Variants in LRP1B observed in about 807,000 individuals in gnomAD.
LRP1B encodes LDL receptor related protein 1B.
Under a neutral mutation model 556.6 loss-of-function variants are expected in LRP1B, and 217 were observed. The ratio of observed to expected loss-of-function variants is 0.39; its 90% CI spans 0.35 to 0.44. LRP1B has a LOEUF of 0.44. LRP1B is among the 20% of genes least tolerant of loss of function. The pLI, the probability that LRP1B is intolerant of heterozygous loss-of-function variation, is 1.00. For missense variants in LRP1B, 5,053 were observed against 5,620.8 expected (o/e 0.90, Z 3.23); for synonymous variants, 2,047 against 1,865.8 (o/e 1.10, Z -2.50).
chr2:141,768,187 T>C (rs1224761343), intron 2 of LRP1B, among the ~76,000 whole-genome samples: 4 of 152,188 alleles, frequency 2.6e-5, no homozygotes, highest in Non-Finnish European at 5.9e-5. Context: ...AGAATATTAA[T>C]ATTCTTTCCA....
chr2:140,355,176 AATAAT>A (rs1415878883), intron 75 of LRP1B, among the ~76,000 whole-genome samples: 1 of 151,856 alleles, frequency 6.6e-6, no homozygotes, highest in East Asian at 1.9e-4. Context: ...AGAAAACTTT[AATAAT>A]ATAATTTCTA....
At chr2:141,028,649 G>T (rs1391794056) in intron 11 of LRP1B, among the ~76,000 whole-genome samples, 2 of 151,952 alleles carry the variant, frequency 1.3e-5, no homozygotes, top group Non-Finnish European at 2.9e-5. Flanking sequence ...GATCTTAATT[G>T]TTTCTTATAT....
intron 46 of LRP1B, among the ~76,000 whole-genome samples, chr2:140,534,832 C>A (rs1014650903): frequency 2.6e-5 from 4 of 152,122 alleles, no homozygotes; most frequent in Non-Finnish European, 5.9e-5. Context: ...TTCATGCTCT[C>A]GACTACCATA....
intron 74 of LRP1B, among the ~76,000 whole-genome samples, 197 bp downstream of exon 74, chr2:140,357,782 C>T: frequency 6.6e-6 from 1 of 151,604 alleles, no homozygotes; most frequent in East Asian, 1.9e-4. Context: ...GTACTCATTA[C>T]AAAGCCAACC....
Position 140,867,777 on chromosome 2 carries a change from T to C in LRP1B, c.4392A>G (p.Arg1464=), listed in dbSNP as rs79054985. The change falls in exon 27 of 91, where the codon CGA becomes CGG. Residue 1464 remains arginine (R), a synonymous_variant. Coordinates refer to ENST00000389484, the MANE Select transcript of LRP1B (RefSeq NM_018557.3). ...AGGGATGGGAAAGGTATTCATGACC[T>C]CGGATGATTTCTATCATGTTTGTTC... ...YDGTNMIEII[R]GHEYLSHPFA... The C allele has an allele frequency of 6.2e-3, 9,920 of 1,606,592 alleles. 492 individuals are homozygous for C. The African/African-American group carries it at 0.11, about 18-fold the overall frequency.
rs74760009 is a variant in LRP1B, at chr2:141,072,400, C to T, written c.1014-10127G>A. The stretch of plus-strand genomic sequence containing the variant: ...TATCCCATAGATATTGAAATGTCTA[C>T]AGGATAATTAATCCAAAACTTTATT... On this transcript the variant is annotated intron_variant, in intron 7 of 90. Coordinates refer to ENST00000389484, the MANE Select transcript of LRP1B (RefSeq NM_018557.3). 2.0e-3 allele frequency among the ~76,000 whole-genome samples: 303 copies of T among 152,184 alleles called. 11 individuals carry two copies. In the East Asian group the frequency reaches 0.049, roughly 25 times the overall value.
intron 2 of LRP1B, among the ~76,000 whole-genome samples, chr2:141,519,549 C>T (rs1313015498): frequency 6.6e-6 from 1 of 151,820 alleles, no homozygotes; most frequent in Non-Finnish European, 1.5e-5. Flanking sequence ...TGACAGGCAA[C>T]TCTTCAGTGG....
chr2:140,979,514 A>T (rs1696701920), intron 18 of LRP1B, among the ~76,000 whole-genome samples: 1 of 152,270 alleles, frequency 6.6e-6, no homozygotes, highest in Non-Finnish European at 1.5e-5. Flanking sequence ...GTGTTACTGC[A>T]TATCATCCTA....
rs554300224 is a variant in LRP1B, at chr2:141,093,908, C to G, written c.1014-31635G>C. Among the ~76,000 whole-genome samples the G allele has an allele frequency of 8.6e-4, 130 of 151,958 alleles. 1 individual carries two copies. The highest frequency in any genetic ancestry group is 2.9e-3 in the African/African-American group (122 of 41,464). On this transcript the variant is annotated intron_variant, in intron 7 of 90. Transcript: ENST00000389484. ...TTTTTTGTATTTTTAGTAGAGACAGCGTTTCACCACATTAGCCAGGCTGGT... is the reference window on the plus strand; with the variant it reads ...TTTTTTGTATTTTTAGTAGAGACAGGGTTTCACCACATTAGCCAGGCTGGT...
chr2:141,081,648 T>C (rs887787998), intron 7 of LRP1B, among the ~76,000 whole-genome samples: 35 of 152,106 alleles, frequency 2.3e-4, no homozygotes, highest in African/African-American at 8.4e-4. Context: ...TAGGGAAAAA[T>C]AGCTTGGTGA....
chr2:141,476,333 T>G (rs1434241422), intron 3 of LRP1B, among the ~76,000 whole-genome samples: 1 of 152,248 alleles, frequency 6.6e-6, no homozygotes, highest in African/African-American at 2.4e-5. Context: ...TTTTCACTTC[T>G]TCCATCATTC....
chr2:141,513,852 T>C (rs1225923767), intron 2 of LRP1B, among the ~76,000 whole-genome samples: 1 of 152,204 alleles, frequency 6.6e-6, no homozygotes, highest in Non-Finnish European at 1.5e-5. Context: ...TGGAACCTTC[T>C]GGACTGGTCG....
At chr2:141,311,616 G>A (rs1686818302) in intron 3 of LRP1B, among the ~76,000 whole-genome samples, 1 of 152,068 alleles carries the variant, frequency 6.6e-6, no homozygotes, top group Admixed American at 6.5e-5. Flanking sequence ...CATCAGGGTA[G>A]GTCCCCCATG....
chr2:141,551,856 A>C (rs1294640768), intron 2 of LRP1B, among the ~76,000 whole-genome samples: 2 of 151,984 alleles, frequency 1.3e-5, no homozygotes, highest in Non-Finnish European at 2.9e-5. Context: ...TCCACAGCCA[A>C]TTTGGTGTTC....
At chr2:141,163,351 A>T (rs1680115075) in intron 7 of LRP1B, among the ~76,000 whole-genome samples, 1 of 152,116 alleles carries the variant, frequency 6.6e-6, no homozygotes, top group South Asian at 2.1e-4. Flanking sequence ...TTACACTATA[A>T]GATATAATTT....
At chr2:141,985,533 C>A (rs956387043) in intron 1 of LRP1B, among the ~76,000 whole-genome samples, 1 of 151,728 alleles carries the variant, frequency 6.6e-6, no homozygotes, top group African/African-American at 2.4e-5. Context: ...GGTATCTTTT[C>A]CATATTCACA....
At chr2:141,192,861 T>A (rs1252001871) in intron 6 of LRP1B, among the ~76,000 whole-genome samples, 1 of 152,056 alleles carries the variant, frequency 6.6e-6, no homozygotes, top group Non-Finnish European at 1.5e-5. Flanking sequence ...ACTATGTTTT[T>A]AAAACTTGTT....
At chr2:141,760,145 A>C (rs572181171) in intron 2 of LRP1B, among the ~76,000 whole-genome samples, 1 of 152,190 alleles carries the variant, frequency 6.6e-6, no homozygotes, top group East Asian at 1.9e-4. Context: ...AAAAACTATC[A>C]TGTGTTAATG....
chr2:140,667,804 T>C (rs998497196), intron 41 of LRP1B, among the ~76,000 whole-genome samples: 9 of 152,228 alleles, frequency 5.9e-5, no homozygotes. Flanking sequence ...AATTACATTC[T>C]GCCTTATTTT....
Sources: allele counts gnomAD v4.1 joint callset (sites outside exome capture counted in the v4.1 genomes callset), GRCh38; gene constraint gnomAD v4.1.1; transcripts MANE v1.5; gene names NCBI Gene and HGNC (gene_info 2026-07-23, HGNC 2026-07-21).